The following SUGCT variants were observed in gnomAD, a reference collection of about 807,000 sequenced individuals.
SUGCT encodes succinyl-CoA:glutarate CoA-transferase.
A neutral mutation model predicts 55.0 loss-of-function variants in SUGCT; 41 were observed. That is an observed-to-expected ratio of 0.74 (90% CI 0.58 to 0.97). The LOEUF is 0.97. Among genes scored for constraint, SUGCT ranks in the 50% least tolerant of loss-of-function variants. SUGCT has a pLI of 0.00. For missense variants in SUGCT, 568 were observed against 547.8 expected (o/e 1.04, Z -0.37); for synonymous variants, 187 against 200.4 (o/e 0.93, Z 0.56).
the SUGCT span, among the ~76,000 whole-genome samples, chr7:40,995,096 C>T: frequency 9.9e-4 from 150 of 152,210 alleles, no homozygotes; most frequent in African/African-American, 3.1e-3. Flanking sequence ...ACTTCACATA[C>T]TATACAATTC....
At chr7:40,662,017 T>C (rs770242663) in intron 12 of SUGCT, among the ~76,000 whole-genome samples, 19 of 152,212 alleles carry the variant, frequency 1.2e-4, no homozygotes, top group Non-Finnish European at 2.6e-4. Flanking sequence ...AATTCGTAAC[T>C]CTAAACTGAC....
chr7:40,475,169 G>A (rs1488812461), intron 11 of SUGCT, among the ~76,000 whole-genome samples: 1 of 152,148 alleles, frequency 6.6e-6, no homozygotes, highest in Non-Finnish European at 1.5e-5. Flanking sequence ...TATTCACTCT[G>A]TTTAAAATAA....
chr7:40,897,426 G>GACACACACACACACAC, the SUGCT span, among the ~76,000 whole-genome samples: 228 of 148,888 alleles, frequency 1.5e-3, 2 homozygotes, highest in Non-Finnish European at 2.6e-3. Context: ...AATAAAGCTG[G>GACACACACACACACAC]ACACACACAC....
intron 9 of SUGCT, among the ~76,000 whole-genome samples, chr7:40,391,302 G>C (rs1785416022): frequency 6.6e-6 from 1 of 152,170 alleles, no homozygotes; most frequent in Admixed American, 6.5e-5. Context: ...TTAAACTAAA[G>C]AGCTTCTGCA....
chr7:40,721,046 G>A (rs1321798495), intron 12 of SUGCT, among the ~76,000 whole-genome samples: 1 of 152,188 alleles, frequency 6.6e-6, no homozygotes, highest in Non-Finnish European at 1.5e-5. Context: ...TGGAACTTTT[G>A]ATGTGCCCAC....
intron 12 of SUGCT, among the ~76,000 whole-genome samples, chr7:40,637,312 C>A (rs563526967): frequency 6.6e-6 from 1 of 152,264 alleles, no homozygotes; most frequent in East Asian, 1.9e-4. Context: ...TAAGACTGAC[C>A]ACCTAGTGAA....
At chr7:40,783,497 T>C (rs955032111) in intron 13 of SUGCT, 1 of 152,070 alleles carries the variant, frequency 6.6e-6, no homozygotes, top group African/African-American at 2.4e-5. Context: ...TAAAACTAAT[T>C]TTGTTCCTGT....
chr7:40,341,560 G>C (rs1012041795), intron 9 of SUGCT, among the ~76,000 whole-genome samples: 24 of 152,164 alleles, frequency 1.6e-4, no homozygotes, highest in African/African-American at 5.8e-4. Context: ...AGTTTCTAAA[G>C]GTACAGGATT....
At chr7:40,739,001 C>A (rs949070569) in intron 12 of SUGCT, among the ~76,000 whole-genome samples, 2 of 152,028 alleles carry the variant, frequency 1.3e-5, no homozygotes, top group East Asian at 3.9e-4. Context: ...CACATTATAC[C>A]CACAGGAGAC....
the SUGCT span, among the ~76,000 whole-genome samples, chr7:40,937,455 CTTCAGT>C: frequency 5.9e-5 from 9 of 152,176 alleles, no homozygotes; most frequent in African/African-American, 2.2e-4. Flanking sequence ...CTGCACCTGG[CTTCAGT>C]TTAGTTGTTC....
chr7:40,443,827 G>A lies in SUGCT; in HGVS notation c.817-5460G>A, dbSNP rs936025541. On this transcript the variant is annotated intron_variant, in intron 9 of 13. Transcript: ENST00000335693. ...CTATGTCCTGAATGGTATTGCCTATGTTTTCTTCTAGGGTTTTTATGGTTT... is the reference window on the plus strand; with the variant it reads ...CTATGTCCTGAATGGTATTGCCTATATTTTCTTCTAGGGTTTTTATGGTTT... Among the ~76,000 whole-genome samples, 13 of 152,250 alleles carry A rather than the reference G, an allele frequency of 8.5e-5. No individual in the cohort carries two copies. In the East Asian group the frequency reaches 1.3e-3, roughly 16 times the overall value.
At chr7:40,299,286 C>CT (rs1299951414) in intron 8 of SUGCT, among the ~76,000 whole-genome samples, 7 of 152,304 alleles carry the variant, frequency 4.6e-5, no homozygotes, top group Admixed American at 1.3e-4. Context: ...CACATCCTGT[C>CT]TGAGGAGAGA....
chr7:40,335,133 C>G (rs1002526861), intron 9 of SUGCT, among the ~76,000 whole-genome samples: 7 of 152,174 alleles, frequency 4.6e-5, no homozygotes, highest in African/African-American at 1.7e-4. Flanking sequence ...GGTACCAGTA[C>G]CATGCTGTTT....
intron 8 of SUGCT, 73 bp downstream of exon 8, chr7:40,274,729 C>G (rs1792348434): frequency 7.2e-7 from 1 of 1,397,818 alleles, no homozygotes; most frequent in Non-Finnish European, 1.0e-6. Flanking sequence ...AGATCAAATT[C>G]TATGGTCACA....
In SUGCT at chr7:40,163,601, T is replaced by C. The variant is rs1301329112; in HGVS notation, c.101-17346T>C. 2.4e-5 allele frequency among the ~76,000 whole-genome samples: 3 copies of C among 125,244 alleles called. No homozygotes were observed. The East Asian group carries it at 7.0e-4, about 29-fold the overall frequency. 82.2% of individuals were successfully genotyped at this position (125,244 alleles called of 152,430 possible). A position where few individuals can be genotyped will look rare whatever the true frequency, so the allele number is the denominator to read the frequency against. ...GCCTGGGTGATAGAGCGAGACTCTG[T>C]CTCAGAAAAAAAAAAAAAAAGCAGG... On this transcript the variant is annotated intron_variant, in intron 1 of 13. Coordinates refer to ENST00000335693, the MANE Select transcript of SUGCT (RefSeq NM_001193313.2).
intron 6 of SUGCT, among the ~76,000 whole-genome samples, chr7:40,196,202 C>T (rs933237115): frequency 1.3e-5 from 2 of 152,160 alleles, no homozygotes; most frequent in African/African-American, 4.8e-5. Context: ...GAAAAAGTCA[C>T]GGTGTTACTT....
At chr7:40,530,436 TGAGTTCAGTGAC>T (rs1794023390) in intron 12 of SUGCT, among the ~76,000 whole-genome samples, 1 of 152,160 alleles carries the variant, frequency 6.6e-6, no homozygotes, top group Non-Finnish European at 1.5e-5. Context: ...GCTAACCAAT[TGAGTTCAGTGAC>T]CACACTGAAA....
chr7:40,877,718 A>G, the SUGCT span, among the ~76,000 whole-genome samples: 1 of 152,232 alleles, frequency 6.6e-6, no homozygotes, highest in Non-Finnish European at 1.5e-5. Flanking sequence ...TCTCAGTTCT[A>G]GAAATAAAAG....
intron 12 of SUGCT, among the ~76,000 whole-genome samples, chr7:40,500,647 TTGTC>T (rs778731774): frequency 6.6e-6 from 1 of 152,204 alleles, no homozygotes; most frequent in Non-Finnish European, 1.5e-5. Flanking sequence ...TGGCTGAAAA[TTGTC>T]TGTTTTCATC....
Sources: gnomAD v4.1 joint callset for allele counts (sites outside exome capture counted in the v4.1 genomes callset) on GRCh38, gnomAD v4.1.1 for gene constraint, MANE v1.5 for transcripts, NCBI Gene and HGNC (gene_info 2026-07-23, HGNC 2026-07-21) for gene names.